Variants in ABCA12 observed in about 807,000 individuals in gnomAD.
ABCA12 encodes the protein glucosylceramide transporter ABCA12.
ABCA12 carries 156 observed loss-of-function variants against 293.5 expected under a neutral mutation model. The observed-to-expected ratio is 0.53, with a 90% CI of 0.47 to 0.61. The LOEUF (loss-of-function observed/expected upper bound fraction) is 0.61, where lower values mean the gene tolerates loss of function less well. Ranked by LOEUF, ABCA12 falls within the 20% of genes least tolerant of loss-of-function variation. ABCA12 has a pLI of 0.00. For synonymous variants in ABCA12, 1,063 were observed against 1,108.0 expected (o/e 0.96, Z 0.81); for missense variants, 2,797 against 3,090.2 (o/e 0.91, Z 2.25).
At position 215,084,228 on chromosome 2, in the gene ABCA12, C is replaced by T. The variant is rs28625976; in HGVS notation, c.164-20009G>A. On this transcript the variant is annotated intron_variant, in intron 2 of 52. Transcript: ENST00000272895. ...GTCCCAAACTCCTGGGCTCACGTAG[C>T]GCTCCACCTTGGCCTCCTAAAGTGC... Among the ~76,000 whole-genome samples, 1,359 of 152,114 alleles carry T rather than the reference C, an allele frequency of 8.9e-3. 19 individuals carry two copies. The highest frequency in any genetic ancestry group is 0.03 in the African/African-American group (1,242 of 41,486).
At chr2:214,956,490 G>T (rs1053333713) in intron 42 of ABCA12, among the ~76,000 whole-genome samples, 173 bp downstream of exon 42, 2 of 151,806 alleles carry the variant, frequency 1.3e-5, no homozygotes, top group African/African-American at 4.8e-5. Flanking sequence ...ATTTTCAAAA[G>T]TATTATACTT....
At chr2:215,035,451 C>T (rs1219026672) in intron 8 of ABCA12, among the ~76,000 whole-genome samples, 4 of 151,676 alleles carry the variant, frequency 2.6e-5, no homozygotes, top group Non-Finnish European at 5.9e-5. Flanking sequence ...GGGTGGATCA[C>T]GAGGTCAGGA....
At chr2:214,976,948 C>T (rs145827445) in intron 33 of ABCA12, among the ~76,000 whole-genome samples, 2,871 of 152,216 alleles carry the variant, frequency 0.019, 39 homozygotes, top group Admixed American at 0.028. Context: ...ATCAACTCTG[C>T]GTATATTTTA....
chr2:215,047,741 A>G (rs987796177), intron 6 of ABCA12, among the ~76,000 whole-genome samples: 5 of 152,160 alleles, frequency 3.3e-5, no homozygotes, highest in African/African-American at 1.2e-4. Context: ...TAGGCAACAC[A>G]ATTCTAGACA....
intron 7 of ABCA12, among the ~76,000 whole-genome samples, chr2:215,043,124 T>A (rs1701132282): frequency 6.6e-6 from 1 of 152,192 alleles, no homozygotes; most frequent in Non-Finnish European, 1.5e-5. Flanking sequence ...TGCAGTTAGA[T>A]GATATCTCAT....
At chr2:215,007,897 AT>A in intron 18 of ABCA12, 51 bp from the exon 19 acceptor site, 1 of 1,608,588 alleles carries the variant, frequency 6.2e-7, no homozygotes, top group Non-Finnish European at 8.5e-7. Context: ...TTTTGTCTAT[AT>A]TTTAACAAGG....
chr2:214,989,693 A>T (rs1300795180), intron 24 of ABCA12, 72 bp from the exon 25 acceptor site: 30 of 1,529,240 alleles, frequency 2.0e-5, no homozygotes, highest in Non-Finnish European at 2.6e-5. Context: ...ATCCTAAAAT[A>T]CTTAAAACTT....
intron 2 of ABCA12, among the ~76,000 whole-genome samples, chr2:215,097,571 G>T (rs565624323): frequency 7.2e-5 from 11 of 152,256 alleles, no homozygotes; most frequent in African/African-American, 2.4e-4. Flanking sequence ...AACAAAAGCA[G>T]GGACTGGAAT....
intron 1 of ABCA12, among the ~76,000 whole-genome samples, chr2:215,134,652 G>GAGAGACAAAC (rs1703171784): frequency 9.8e-6 from 1 of 101,560 alleles, no homozygotes; most frequent in African/African-American, 4.4e-5. Context: ...CAAACAGAGA[G>GAGAGACAAAC]AGAGAGAGAG....
chr2:215,125,822 C>T (rs926203098), intron 1 of ABCA12, among the ~76,000 whole-genome samples: 1 of 152,062 alleles, frequency 6.6e-6, no homozygotes, highest in African/African-American at 2.4e-5. Flanking sequence ...CTAGGACTTC[C>T]AGTACTAAGT....
In ABCA12 at chr2:215,019,794, C is replaced by T. The variant is rs774527915; in HGVS notation, c.1290G>A (p.Leu430=). ...GTTCGGTCAAGTTTCGAAGTTGAGA[C>T]AGCTTTCCAAAAAGGGAAAAGAGTG... is the stretch of plus-strand genomic sequence containing the variant. ...PPVPEVLKSK[L]SQLRNLTELL... Residue 430 remains leucine (L), a splice_region_variant and synonymous_variant, in exon 12 of 53, where the codon CTG becomes CTA. Coordinates refer to ENST00000272895, the MANE Select transcript of ABCA12 (RefSeq NM_173076.3). 3 of 1,610,978 alleles carry T rather than the reference C, an allele frequency of 1.9e-6. No individual in the cohort carries two copies. The South Asian group carries it at 3.3e-5, about 18-fold the overall frequency.
chr2:215,051,637 T>TGTGTGC (rs2106056772), intron 5 of ABCA12, among the ~76,000 whole-genome samples: 1 of 150,816 alleles, frequency 6.6e-6, no homozygotes, highest in Admixed American at 6.6e-5. Flanking sequence ...TGTGTGTGTG[T>TGTGTGC]GTGTGTGTGT....
intron 21 of ABCA12, 79 bp from the exon 22 acceptor site, chr2:215,001,099 G>A: frequency 2.1e-6 from 3 of 1,395,782 alleles, no homozygotes; most frequent in Middle Eastern, 2.4e-4. Context: ...TACACAGAGG[G>A]GACAGCCAAA....
At chr2:215,029,966 T>C (rs1318520442) in intron 9 of ABCA12, among the ~76,000 whole-genome samples, 1 of 152,218 alleles carries the variant, frequency 6.6e-6, no homozygotes, top group Non-Finnish European at 1.5e-5. Context: ...CCAAAATAAC[T>C]TTTTACCTTA....
Position 215,049,763 on chromosome 2 carries a change from C to A in ABCA12, c.556G>T (p.Asp186Tyr). 6.2e-7 allele frequency: 1 copy of A among 1,613,594 alleles called. No individual in the cohort carries two copies. The highest frequency in any genetic ancestry group is 2.2e-5 in the East Asian group (1 of 44,800). Residue 186 changes from aspartate (D) to tyrosine (Y), a missense_variant, in exon 6 of 53, where the codon GAC (aspartate) becomes TAC (tyrosine). This residue lies in a region of ABCA12 where 656 missense variants were observed against 638.2 expected (regional missense o/e 1.03). Coordinates refer to ENST00000272895, the MANE Select transcript of ABCA12 (RefSeq NM_173076.3). ...TSEDIRRELCDSYSGYIVDDA... is the reference protein window; with the variant it reads ...TSEDIRRELCYSYSGYIVDDA... Reference sequence around the variant, plus strand: ...TCCACAATGTATCCTGAATAGCTGTCACATAGTTCTCTTCGTATATCTTCT... The same window carrying A: ...TCCACAATGTATCCTGAATAGCTGTAACATAGTTCTCTTCGTATATCTTCT...
chr2:214,962,222 A>G (rs1699133742), intron 39 of ABCA12: 1 of 152,194 alleles, frequency 6.6e-6, no homozygotes, highest in Admixed American at 6.5e-5. Flanking sequence ...CTTATTTTAA[A>G]AACTATGTGA....
At chr2:215,064,908 CA>C (rs1211702472) in intron 2 of ABCA12, among the ~76,000 whole-genome samples, 20 of 151,818 alleles carry the variant, frequency 1.3e-4, no homozygotes, top group African/African-American at 4.8e-4. Flanking sequence ...GCCATTCTTC[CA>C]AAAACCAGGA....
intron 1 of ABCA12, among the ~76,000 whole-genome samples, chr2:215,114,725 A>G (rs1401473319): frequency 6.6e-6 from 1 of 152,230 alleles, no homozygotes; most frequent in African/African-American, 2.4e-5. Context: ...GATCCTGAAT[A>G]CAAGGTATCG....
chr2:215,052,676 T>A, intron 4 of ABCA12, 92 bp from the exon 5 acceptor site: 1 of 1,052,594 alleles, frequency 9.5e-7, no homozygotes, highest in Admixed American at 1.8e-5. Context: ...ACTTGTGACC[T>A]CATATACCCT....
Sources: allele counts gnomAD v4.1 joint callset (sites outside exome capture counted in the v4.1 genomes callset), GRCh38; gene constraint gnomAD v4.1.1; regional missense constraint gnomAD v4.1.1; transcripts MANE v1.5; gene names NCBI Gene and HGNC (gene_info 2026-07-23, HGNC 2026-07-21).